The following RNGTT variants were observed in gnomAD, a reference collection of about 807,000 sequenced individuals.
RNGTT encodes the protein mRNA-capping enzyme.
RNGTT carries 33 observed loss-of-function variants against 79.3 expected under a neutral mutation model. The ratio of observed to expected loss-of-function variants is 0.42; its 90% CI spans 0.32 to 0.56. The LOEUF (loss-of-function observed/expected upper bound fraction) is 0.56. RNGTT is among the 20% of genes least tolerant of loss of function. RNGTT has a pLI of 0.17. For synonymous variants in RNGTT, 222 were observed against 235.9 expected (o/e 0.94, Z 0.54); for missense variants, 497 against 739.1 (o/e 0.67, Z 3.80).
At chr6:88,747,877 T>C (rs1469153799) in intron 13 of RNGTT, among the ~76,000 whole-genome samples, 2 of 152,182 alleles carry the variant, frequency 1.3e-5, no homozygotes, top group African/African-American at 2.4e-5. Context: ...TATATCTGAA[T>C]GTAATGACTG....
At chr6:88,711,892 T>G (rs1022098642) in intron 13 of RNGTT, among the ~76,000 whole-genome samples, 4 of 152,192 alleles carry the variant, frequency 2.6e-5, no homozygotes, top group African/African-American at 9.6e-5. Context: ...GAATTTATAT[T>G]TAGAAGTAAT....
At chr6:88,636,543 T>TA (rs898665836) in intron 14 of RNGTT, among the ~76,000 whole-genome samples, 3 of 152,042 alleles carry the variant, frequency 2.0e-5, no homozygotes, top group Non-Finnish European at 4.4e-5. Flanking sequence ...AGCAATAATT[T>TA]AATTTGGCTT....
chr6:88,767,358 A>G (rs1778495681), intron 13 of RNGTT, among the ~76,000 whole-genome samples: 2 of 152,156 alleles, frequency 1.3e-5, no homozygotes, highest in Admixed American at 1.3e-4. Context: ...CTAGGATGAC[A>G]AACTACTAAA....
At chr6:88,774,370 A>T (rs367586601) in intron 12 of RNGTT, among the ~76,000 whole-genome samples, 58 of 152,300 alleles carry the variant, frequency 3.8e-4, no homozygotes, top group African/African-American at 1.3e-3. Context: ...CACATTGCTG[A>T]TAGAAATGTG....
Position 88,761,290 on chromosome 6 carries a change from G to A in RNGTT, c.1439+8484C>T, listed in dbSNP as rs149389574. On this transcript the variant is annotated intron_variant, in intron 13 of 15. Coordinates refer to ENST00000369485, the MANE Select transcript of RNGTT (RefSeq NM_003800.5). ...GGATCACTTGAGGTCAGGAGTTTGC[G>A]ACCAGCCTGGCCAACACTGTGAAAC... Among the ~76,000 whole-genome samples the A allele has an allele frequency of 8.0e-3, 1,216 of 151,994 alleles. 8 individuals carry two copies. The highest frequency in any genetic ancestry group is 0.026 in the African/African-American group (1,089 of 41,440).
At chr6:88,754,976 C>T (rs1223507099) in intron 13 of RNGTT, among the ~76,000 whole-genome samples, 1 of 152,126 alleles carries the variant, frequency 6.6e-6, no homozygotes, top group Non-Finnish European at 1.5e-5. Flanking sequence ...TATGAGACCC[C>T]TGATTTCCCC....
At chr6:88,699,368 A>G (rs1775867117) in intron 13 of RNGTT, among the ~76,000 whole-genome samples, 1 of 152,170 alleles carries the variant, frequency 6.6e-6, no homozygotes, top group Admixed American at 6.6e-5. Context: ...ACAGTAGCCA[A>G]AAGGCAGAAA....
At chr6:88,910,918 T>C (rs181886079) in intron 4 of RNGTT, among the ~76,000 whole-genome samples, 378 of 152,330 alleles carry the variant, frequency 2.5e-3, no homozygotes, top group African/African-American at 8.6e-3. Flanking sequence ...ATAAAATCTT[T>C]GCAGGATTAG....
At chr6:88,872,722 G>A (rs543539953) in intron 8 of RNGTT, among the ~76,000 whole-genome samples, 3 of 152,214 alleles carry the variant, frequency 2.0e-5, no homozygotes, top group African/African-American at 7.2e-5. Flanking sequence ...ATGAAGGGAA[G>A]GAGAAAAGAG....
chr6:88,716,562 C>G (rs1473941607), intron 13 of RNGTT, among the ~76,000 whole-genome samples: 1 of 152,132 alleles, frequency 6.6e-6, no homozygotes, highest in Non-Finnish European at 1.5e-5. Flanking sequence ...GACTTGGAAC[C>G]AAGCCAAAAG....
chr6:88,864,285 T>C (rs913688818), intron 8 of RNGTT, among the ~76,000 whole-genome samples: 3 of 152,074 alleles, frequency 2.0e-5, no homozygotes, highest in Non-Finnish European at 4.4e-5. Context: ...AAAATCCAGC[T>C]TAAGGAGTTT....
In RNGTT at chr6:88,762,124, G is replaced by A. The variant is rs1238302516; in HGVS notation, c.1439+7650C>T. ...TAAATGGAGAGCTTAGGGTAATCAGGTGATAAATGGATTACTGGCTCAAGT... is the reference window on the plus strand; with the variant it reads ...TAAATGGAGAGCTTAGGGTAATCAGATGATAAATGGATTACTGGCTCAAGT... On this transcript the variant is annotated intron_variant, in intron 13 of 15. Coordinates refer to ENST00000369485, the MANE Select transcript of RNGTT (RefSeq NM_003800.5). Among the ~76,000 whole-genome samples, 5 of 152,284 alleles carry A rather than the reference G, an allele frequency of 3.3e-5. No homozygotes were observed. The East Asian group carries it at 7.7e-4, about 24-fold the overall frequency.
chr6:88,821,648 A>G (rs35978242), intron 11 of RNGTT, among the ~76,000 whole-genome samples: 20,184 of 152,008 alleles, frequency 0.13, 1,497 homozygotes, highest in Middle Eastern at 0.24. Context: ...ATATTTCTGT[A>G]TAAAATATGC....
chr6:88,796,720 T>A (rs1357237842), intron 12 of RNGTT, among the ~76,000 whole-genome samples: 1 of 152,080 alleles, frequency 6.6e-6, no homozygotes, highest in African/African-American at 2.4e-5. Flanking sequence ...AGAAGACAAG[T>A]ATAAAGACAG....
At chr6:88,855,203 G>A (rs1781803984) in intron 8 of RNGTT, among the ~76,000 whole-genome samples, 1 of 152,174 alleles carries the variant, frequency 6.6e-6, no homozygotes, top group African/African-American at 2.4e-5. Context: ...ACTGAAAGAT[G>A]CAGCTGAATC....
intron 8 of RNGTT, among the ~76,000 whole-genome samples, chr6:88,887,246 T>C (rs1782894493): frequency 6.6e-6 from 1 of 152,088 alleles, no homozygotes; most frequent in African/African-American, 2.4e-5. Flanking sequence ...AATTATGAAA[T>C]AAGGATAATA....
chr6:88,764,787 T>C (rs1351379404), intron 13 of RNGTT, among the ~76,000 whole-genome samples: 4 of 152,226 alleles, frequency 2.6e-5, no homozygotes, highest in Non-Finnish European at 5.9e-5. Context: ...TTAATGCCCA[T>C]TGAAAGAGTT....
At position 88,764,835 on chromosome 6, in the gene RNGTT, T is replaced by C. The variant is rs970777700; in HGVS notation, c.1439+4939A>G. ...GTTCCTACCAAACAGTTTAGGAGAG[T>C]ACCTATTTGCTCACATTCTAACCAA... On this transcript the variant is annotated intron_variant, in intron 13 of 15. Coordinates refer to ENST00000369485, the MANE Select transcript of RNGTT (RefSeq NM_003800.5). Among the ~76,000 whole-genome samples the C allele has an allele frequency of 2.0e-5, 3 of 152,062 alleles. No homozygotes were observed. The South Asian group carries it at 6.2e-4, about 31-fold the overall frequency.
chr6:88,807,951 A>G (rs1017575441), intron 11 of RNGTT, among the ~76,000 whole-genome samples: 4 of 152,310 alleles, frequency 2.6e-5, no homozygotes, highest in African/African-American at 9.6e-5. Context: ...AATCTTTAGC[A>G]AATGAAAATA....
Sources: allele counts gnomAD v4.1 joint callset (sites outside exome capture counted in the v4.1 genomes callset), GRCh38; gene constraint gnomAD v4.1.1; transcripts MANE v1.5; gene names NCBI Gene and HGNC (gene_info 2026-07-23, HGNC 2026-07-21).